The following STRA8 variants were observed in gnomAD, a reference collection of about 807,000 sequenced individuals.
The protein encoded by STRA8 is stimulated by retinoic acid gene 8 protein homolog.
Under a neutral mutation model 37.1 loss-of-function variants are expected in STRA8, and 18 were observed. The observed-to-expected ratio is 0.48, with a 90% CI of 0.34 to 0.72. The LOEUF (loss-of-function observed/expected upper bound fraction) is 0.72. STRA8 is among the 30% of genes least tolerant of loss of function. The pLI, the probability that STRA8 is intolerant of heterozygous loss-of-function variation, is 0.01. For synonymous variants in STRA8, 168 were observed against 162.9 expected (o/e 1.03, Z -0.24); for missense variants, 357 against 410.4 (o/e 0.87, Z 1.13).
At position 135,242,744 on chromosome 7, in the gene STRA8, G is replaced by A. The variant is rs1174727323; in HGVS notation, c.193-37G>A. On this transcript the variant is annotated intron_variant, in intron 2 of 8. Coordinates refer to ENST00000662584, the MANE Select transcript of STRA8 (RefSeq NM_001394401.1). ...TCCACAAAATCAGTCTCTGCAGTGA[G>A]AGGCTGGCTTTCAGCATTGTCTCTG... 6 of 1,609,030 alleles carry A rather than the reference G, an allele frequency of 3.7e-6. No homozygotes were observed. In the South Asian group the frequency reaches 4.4e-5, roughly 12 times the overall value.
intron 6 of STRA8, among the ~76,000 whole-genome samples, chr7:135,248,401 T>A: frequency 6.6e-6 from 1 of 152,098 alleles, no homozygotes; most frequent in Non-Finnish European, 1.5e-5. Flanking sequence ...CTGTGGAGTT[T>A]TTTTTTAAAG....
intron 1 of STRA8, among the ~76,000 whole-genome samples, chr7:135,237,960 C>T (rs1181287087): frequency 1.3e-5 from 2 of 152,066 alleles, no homozygotes; most frequent in African/African-American, 4.8e-5. Flanking sequence ...CCTGTCAGGG[C>T]CACAGAGACG....
chr7:135,247,555 C>G (rs1831299009), intron 6 of STRA8, among the ~76,000 whole-genome samples: 1 of 152,178 alleles, frequency 6.6e-6, no homozygotes, highest in Admixed American at 6.5e-5. Flanking sequence ...TTTCCGGAAC[C>G]GCTCCTCCCC....
chr7:135,248,544 C>A (rs146485163), intron 6 of STRA8, among the ~76,000 whole-genome samples: 1 of 152,104 alleles, frequency 6.6e-6, no homozygotes, highest in East Asian at 1.9e-4. Context: ...TGCGTCTCTA[C>A]TAAAAACTAA....
At chr7:135,257,819 A>G (rs570831483) in intron 8 of STRA8, among the ~76,000 whole-genome samples, 10 of 127,372 alleles carry the variant, frequency 7.9e-5, no homozygotes, top group African/African-American at 3.8e-4. Flanking sequence ...TATACAATGG[A>G]CACTTAGTCT....
chr7:135,251,935 G>T, intron 7 of STRA8, 66 bp downstream of exon 7: 1 of 1,483,720 alleles, frequency 6.7e-7, no homozygotes, highest in Non-Finnish European at 9.4e-7. Context: ...TGTGTGCGCA[G>T]GTGTGTATGT....
chr7:135,247,504 A>G (rs1327330301), intron 6 of STRA8, among the ~76,000 whole-genome samples: 1 of 152,184 alleles, frequency 6.6e-6, no homozygotes, highest in Non-Finnish European at 1.5e-5. Context: ...TAAGACAAAG[A>G]TTTCCTACGA....
intron 2 of STRA8, 51 bp downstream of exon 2, chr7:135,240,767 T>C: frequency 1.9e-6 from 3 of 1,597,400 alleles, no homozygotes; most frequent in Non-Finnish European, 2.6e-6. Flanking sequence ...GAAGGAGACG[T>C]TTTCACAGGT....
In STRA8 at chr7:135,246,617, A is replaced by AGCCGGCCTGTGCCGAGG; in HGVS notation, c.797_813dup (p.Ser272ArgfsTer8). ...GCGACCCTGGCGGAGGCCTGCCGAG[A>AGCCGGCCTGTGCCGAGG]GCCGGCCTGTGCCGAGGGCAGCGTG... On this transcript the variant is annotated frameshift_variant, in exon 6 of 9. Coordinates refer to ENST00000662584, the MANE Select transcript of STRA8 (RefSeq NM_001394401.1). LOFTEE classifies it high-confidence loss of function. This position sits in a 1 kb window ranked among gnomAD's most constrained non-coding sequence, Gnocchi z 5.4. The AGCCGGCCTGTGCCGAGG allele has an allele frequency of 6.5e-7, 1 of 1,541,356 alleles. No homozygotes were observed. The highest frequency in any genetic ancestry group is 2.4e-5 in the East Asian group (1 of 40,838).
chr7:135,241,638 A>G (rs747431058), intron 2 of STRA8, among the ~76,000 whole-genome samples: 2 of 152,126 alleles, frequency 1.3e-5, no homozygotes, highest in Non-Finnish European at 2.9e-5. Context: ...GCCCTGCTCC[A>G]TGGAATCTTC....
intron 2 of STRA8, among the ~76,000 whole-genome samples, chr7:135,242,180 A>C (rs1298967135): frequency 9.8e-6 from 1 of 101,878 alleles, no homozygotes; most frequent in African/African-American, 3.9e-5. Context: ...AAAGGAAGGA[A>C]GTTGGAAGGA....
intron 4 of STRA8, among the ~76,000 whole-genome samples, chr7:135,244,666 A>G (rs1336014401): frequency 6.6e-6 from 1 of 152,130 alleles, no homozygotes; most frequent in Non-Finnish European, 1.5e-5. Context: ...ATATTCTGAT[A>G]TTGTCTTCTG....
At position 135,240,393 on chromosome 7, in the gene STRA8, G is replaced by A. The variant is rs1832443084; in HGVS notation, c.-6-126G>A. The A allele has an allele frequency of 3.6e-6, 3 of 835,590 alleles. No homozygotes were observed. In the South Asian group the frequency reaches 5.4e-5, roughly 15 times the overall value. 51.8% of individuals were successfully genotyped at this position (835,590 alleles called of 1,614,324 possible). ...TGCCAATAACTGAATTCATGAGGGAGTGAATTTGGGGCCTTTACTTGGGAA... is the reference window on the plus strand; with the variant it reads ...TGCCAATAACTGAATTCATGAGGGAATGAATTTGGGGCCTTTACTTGGGAA... On this transcript the variant is annotated intron_variant, in intron 1 of 8. Transcript: ENST00000662584.
chr7:135,241,621 C>A (rs1158066851), intron 2 of STRA8, among the ~76,000 whole-genome samples: 1 of 152,262 alleles, frequency 6.6e-6, no homozygotes, highest in Non-Finnish European at 1.5e-5. Flanking sequence ...GCTCACTCTG[C>A]TCAGCTGCCC....
At chr7:135,250,954 G>A (rs186102188) in intron 6 of STRA8, among the ~76,000 whole-genome samples, 11 of 152,298 alleles carry the variant, frequency 7.2e-5, no homozygotes, top group Admixed American at 6.5e-4. Flanking sequence ...TAAATAGCAA[G>A]ATTCCAAATT....
In STRA8 at chr7:135,245,317, G is replaced by A. The variant is rs543917338; in HGVS notation, c.383G>A (p.Gly128Asp). ...CTTTCAAACAGTTTTCCTCAGAATG[G>A]TTCCTCCCCTTGGTGCCCAACTGAG... ...SLLSNSFPQN[G>D]SSPWCPTEAV... The change falls in exon 5 of 9, where the codon GGT becomes GAT. Residue 128 changes from glycine to aspartate, a missense_variant. Gly to Asp is a moderately conservative substitution (Grantham distance 94). Transcript: ENST00000662584. 2.6e-6 allele frequency: 2 copies of A among 780,936 alleles called. No individual in the cohort carries two copies. Among genetic ancestry groups the A allele is most frequent in the South Asian group, 2.7e-5 (2 of 74,620 alleles). 48.4% of individuals were successfully genotyped at this position (780,936 alleles called of 1,614,324 possible). A position where few individuals can be genotyped will look rare whatever the true frequency, so the allele number is the denominator to read the frequency against.
intron 2 of STRA8, among the ~76,000 whole-genome samples, chr7:135,241,807 T>C (rs1832468454): frequency 6.6e-6 from 1 of 152,184 alleles, no homozygotes; most frequent in Non-Finnish European, 1.5e-5. Flanking sequence ...GAGAGGGGAC[T>C]GTCTTATGTA....
upstream of STRA8, among the ~76,000 whole-genome samples, chr7:135,232,887 A>G (rs556397002): frequency 6.6e-6 from 1 of 152,192 alleles, no homozygotes; most frequent in African/African-American, 2.4e-5. Context: ...CCCCTGCCTC[A>G]GGAGTGAAGG....
At chr7:135,251,727 C>A in intron 6 of STRA8, 69 bp from the exon 7 acceptor site, 1 of 1,513,764 alleles carries the variant, frequency 6.6e-7, no homozygotes, top group Non-Finnish European at 9.2e-7. Flanking sequence ...CATCTCTCCC[C>A]AGCAGCCCAG....
Sources: allele counts gnomAD v4.1 joint callset (sites outside exome capture counted in the v4.1 genomes callset), GRCh38; gene constraint gnomAD v4.1.1; non-coding constraint Gnocchi (gnomAD v3.1); transcripts MANE v1.5; gene names NCBI Gene and HGNC (gene_info 2026-07-23, HGNC 2026-07-21).